AOPEP: variants seen among roughly 807,000 people sequenced by gnomAD.
AOPEP encodes the protein aminopeptidase O.
Under a neutral mutation model 98.1 loss-of-function variants are expected in AOPEP, and 77 were observed. That is an observed-to-expected ratio of 0.78 (90% CI 0.65 to 0.95). The LOEUF is 0.95. Among genes scored for constraint, AOPEP ranks in the 40% least tolerant of loss-of-function variants. The pLI is 0.00. For missense variants in AOPEP, 1,024 were observed against 1,024.7 expected (o/e 1.00, Z 0.01); for synonymous variants, 346 against 365.3 (o/e 0.95, Z 0.60).
At chr9:95,021,522 T>C (rs1036026992) in intron 13 of AOPEP, among the ~76,000 whole-genome samples, 1 of 152,244 alleles carries the variant, frequency 6.6e-6, no homozygotes, top group African/African-American at 2.4e-5. Context: ...CATCAGATTA[T>C]CATAAGACAA....
At chr9:94,879,878 C>T (rs777321329) in intron 5 of AOPEP, among the ~76,000 whole-genome samples, 10 of 152,102 alleles carry the variant, frequency 6.6e-5, no homozygotes, top group African/African-American at 1.4e-4. Flanking sequence ...TTTGTGTGTT[C>T]CATGATGAGT....
chr9:95,143,665 C>T, the AOPEP span, among the ~76,000 whole-genome samples: 1 of 152,090 alleles, frequency 6.6e-6, no homozygotes, highest in Non-Finnish European at 1.5e-5. Flanking sequence ...GCATATAGAA[C>T]AAATTCTCCA....
intron 13 of AOPEP, among the ~76,000 whole-genome samples, chr9:95,031,743 C>T (rs2064322726): frequency 6.6e-6 from 1 of 152,200 alleles, no homozygotes; most frequent in Admixed American, 6.6e-5. Context: ...GCTCCCTAAG[C>T]TGCTGCTGGA....
rs960733392 is a variant in AOPEP, at chr9:94,933,670, A to G, written c.1661+5139A>G. 3.0e-6 allele frequency: 3 copies of G among 985,304 alleles called. No homozygotes were observed. In the African/African-American group the frequency reaches 5.2e-5, roughly 17 times the overall value. The allele number at this position is 985,304 out of a possible 1,614,324, so 61.0% of individuals were successfully genotyped here. A position where few individuals can be genotyped will look rare whatever the true frequency, so the allele number is the denominator to read the frequency against. ...ATAGCCAAAATAAAGTCTGCATGCC[A>G]CAAGTGTTGTGAATTTGTATGATGC... is the stretch of plus-strand genomic sequence containing the variant. On this transcript the variant is annotated intron_variant, in intron 7 of 16. Coordinates refer to ENST00000375315, the MANE Select transcript of AOPEP (RefSeq NM_001193329.3).
chr9:94,776,939 T>C (rs1588155274), intron 3 of AOPEP, among the ~76,000 whole-genome samples: 1 of 151,696 alleles, frequency 6.6e-6, no homozygotes, highest in South Asian at 2.1e-4. Context: ...TTTAGAAGAC[T>C]GGATGAATGG....
At position 95,018,408 on chromosome 9, in the gene AOPEP, C is replaced by G. The variant is rs77119199; in HGVS notation, c.2115+12792C>G. Among the ~76,000 whole-genome samples, 1,052 of 152,268 alleles carry G rather than the reference C, an allele frequency of 6.9e-3. 10 individuals carry two copies. Among genetic ancestry groups the G allele is most frequent in the African/African-American group, 0.024 (999 of 41,532 alleles). On this transcript the variant is annotated intron_variant, in intron 13 of 16. Coordinates refer to ENST00000375315, the MANE Select transcript of AOPEP (RefSeq NM_001193329.3). ...TTGAAAGTGTCTAGATACCTTAATG[C>G]TGCTCGTGTCTTCCATTTTACAGAC... is the stretch of plus-strand genomic sequence containing the variant.
chr9:94,991,069 T>A (rs1589189389), intron 11 of AOPEP, among the ~76,000 whole-genome samples: 3 of 152,236 alleles, frequency 2.0e-5, no homozygotes, highest in African/African-American at 7.2e-5. Flanking sequence ...CACAGCATCA[T>A]GGCACATGCT....
At chr9:94,894,998 G>C (rs2049301623) in intron 5 of AOPEP, among the ~76,000 whole-genome samples, 1 of 152,090 alleles carries the variant, frequency 6.6e-6, no homozygotes, top group Non-Finnish European at 1.5e-5. Flanking sequence ...TACTTCTAGA[G>C]AAAATAGGAC....
chr9:95,021,116 T>C (rs1664202335), intron 13 of AOPEP, among the ~76,000 whole-genome samples: 1 of 152,088 alleles, frequency 6.6e-6, no homozygotes, highest in Non-Finnish European at 1.5e-5. Context: ...TATTGCAATT[T>C]TAGAGTTTCT....
At chr9:94,905,060 T>C (rs548619837) in intron 5 of AOPEP, among the ~76,000 whole-genome samples, 69 of 152,368 alleles carry the variant, frequency 4.5e-4, no homozygotes, top group South Asian at 1.5e-3. Context: ...TGGTTTGTCT[T>C]ACAGACTTTT....
At chr9:94,969,152 A>G (rs943561868) in intron 10 of AOPEP, among the ~76,000 whole-genome samples, 1 of 152,088 alleles carries the variant, frequency 6.6e-6, no homozygotes, top group Non-Finnish European at 1.5e-5. Context: ...TCACTCAGCA[A>G]GCAAAACAGC....
chr9:95,041,875 C>A (rs776702528), intron 13 of AOPEP, among the ~76,000 whole-genome samples: 1 of 152,142 alleles, frequency 6.6e-6, no homozygotes, highest in Non-Finnish European at 1.5e-5. Flanking sequence ...CCCCTCCCCC[C>A]AAACCCAACA....
intron 7 of AOPEP, among the ~76,000 whole-genome samples, chr9:94,933,993 C>T (rs575824679): frequency 6.6e-6 from 1 of 152,190 alleles, no homozygotes; most frequent in South Asian, 2.1e-4. Flanking sequence ...TGTGATCCGC[C>T]TGCCTCGGCC....
At chr9:94,802,547 G>A (rs190705768) in intron 5 of AOPEP, among the ~76,000 whole-genome samples, 9 of 152,274 alleles carry the variant, frequency 5.9e-5, no homozygotes, top group African/African-American at 2.2e-4. Flanking sequence ...TGCTTTTTGC[G>A]ATATTTGAAG....
At chr9:94,853,976 A>G (rs530933607) in intron 5 of AOPEP, among the ~76,000 whole-genome samples, 1 of 152,298 alleles carries the variant, frequency 6.6e-6, no homozygotes, top group South Asian at 2.1e-4. Flanking sequence ...CGCAGCACTT[A>G]TGTGAAAGGG....
At chr9:94,911,285 G>T (rs1437903093) in intron 5 of AOPEP, among the ~76,000 whole-genome samples, 1 of 152,202 alleles carries the variant, frequency 6.6e-6, no homozygotes, top group Non-Finnish European at 1.5e-5. Flanking sequence ...CAATGTAGCT[G>T]TCACAGTTTC....
intron 7 of AOPEP, among the ~76,000 whole-genome samples, chr9:94,943,332 G>A (rs896393748): frequency 2.0e-5 from 3 of 152,208 alleles, no homozygotes; most frequent in Non-Finnish European, 2.9e-5. Flanking sequence ...GGTGGCTCAC[G>A]CCTGTAATCC....
At chr9:95,114,910 G>C in the AOPEP span, among the ~76,000 whole-genome samples, 1 of 152,188 alleles carries the variant, frequency 6.6e-6, no homozygotes, top group Non-Finnish European at 1.5e-5. Flanking sequence ...ATGTCACACA[G>C]AGTTGAACAT....
At chr9:95,046,493 AT>A (rs1422326705) in intron 13 of AOPEP, among the ~76,000 whole-genome samples, 3 of 152,210 alleles carry the variant, frequency 2.0e-5, no homozygotes, top group Non-Finnish European at 2.9e-5. Flanking sequence ...AACTGACATA[AT>A]TTTTAAGGGA....
Sources: gnomAD v4.1 joint callset for allele counts (sites outside exome capture counted in the v4.1 genomes callset) on GRCh38, gnomAD v4.1.1 for gene constraint, MANE v1.5 for transcripts, NCBI Gene and HGNC (gene_info 2026-07-23, HGNC 2026-07-21) for gene names.